CNTN5: variants seen among roughly 807,000 people sequenced by gnomAD.
The protein encoded by CNTN5 is contactin-5.
A neutral mutation model predicts 129.1 loss-of-function variants in CNTN5; 77 were observed. That is an observed-to-expected ratio of 0.60 (90% confidence interval 0.50 to 0.72). CNTN5 has a LOEUF of 0.72. Among genes scored for constraint, CNTN5 ranks in the 30% least tolerant of loss-of-function variants. CNTN5 has a pLI of 0.00. For synonymous variants in CNTN5, 509 were observed against 465.6 expected, an observed-to-expected ratio of 1.09 and a Z score of -1.20; for missense variants, 1,478 against 1,328.8, an observed-to-expected ratio of 1.11 and a Z score of -1.75.
chr11:100,111,936 T>A (rs1945670643), intron 13 of CNTN5, among the ~76,000 whole-genome samples: 1 of 152,220 alleles, frequency 6.6e-6, no homozygotes, highest in Admixed American at 6.5e-5. Flanking sequence ...AACATATCTC[T>A]TTTTCTTATT....
chr11:99,711,527 A>G (rs1280111839), intron 3 of CNTN5, among the ~76,000 whole-genome samples: 1 of 151,946 alleles, frequency 6.6e-6, no homozygotes, highest in African/African-American at 2.4e-5. Flanking sequence ...ACATATGCAT[A>G]ATGTGCAGGT....
chr11:100,002,451 T>C, intron 9 of CNTN5, among the ~76,000 whole-genome samples: 1 of 152,144 alleles, frequency 6.6e-6, no homozygotes, highest in Non-Finnish European at 1.5e-5. Flanking sequence ...TCAGTCCTTA[T>C]GTAAATAAAG....
chr11:100,066,114 GA>G (rs1203213112), intron 10 of CNTN5, among the ~76,000 whole-genome samples: 8 of 152,118 alleles, frequency 5.3e-5, no homozygotes, highest in African/African-American at 1.7e-4. Flanking sequence ...GGATTGGGGG[GA>G]AAGTAACCAA....
chr11:99,579,660 T>C lies in CNTN5; in HGVS notation c.55+23391T>C, dbSNP rs541949727. Among the ~76,000 whole-genome samples, 260 of 138,376 alleles carry C rather than the reference T, an allele frequency of 1.9e-3. 3 individuals carry two copies. The highest frequency in any genetic ancestry group is 6.8e-3 in the African/African-American group (245 of 36,088). The allele number at this position is 138,376 out of a possible 152,430, so 90.8% of individuals were successfully genotyped here. ...TGTTATTGGTGTATAAGAATGCTTG[T>C]GATTTTTGCACATTGATTTTGTATC... is the stretch of plus-strand genomic sequence containing the variant. On this transcript the variant is annotated intron_variant, in intron 3 of 24. Coordinates refer to ENST00000524871, the MANE Select transcript of CNTN5 (RefSeq NM_014361.4).
At chr11:99,375,917 C>G (rs924292922) in intron 2 of CNTN5, among the ~76,000 whole-genome samples, 3 of 152,000 alleles carry the variant, frequency 2.0e-5, no homozygotes, top group Non-Finnish European at 4.4e-5. Context: ...AAAATTATAA[C>G]CATATTTAAT....
intron 3 of CNTN5, among the ~76,000 whole-genome samples, chr11:99,779,705 T>C (rs1026955382): frequency 6.6e-6 from 1 of 152,016 alleles, no homozygotes; most frequent in Non-Finnish European, 1.5e-5. Flanking sequence ...ATAAGTAACT[T>C]AAAAAAGTAT....
chr11:99,431,150 GCAA>G (rs775741036), intron 2 of CNTN5, among the ~76,000 whole-genome samples: 67 of 152,196 alleles, frequency 4.4e-4, no homozygotes, highest in East Asian at 7.7e-4. Context: ...GACTGAAACA[GCAA>G]CAACAACAAT....
intron 2 of CNTN5, among the ~76,000 whole-genome samples, chr11:99,474,329 G>T (rs997112490): frequency 4.6e-5 from 7 of 151,984 alleles, no homozygotes; most frequent in South Asian, 2.1e-4. Context: ...CATCCTCTGC[G>T]TCTTCTTCCC....
intron 2 of CNTN5, among the ~76,000 whole-genome samples, chr11:99,336,906 A>G (rs1866251693): frequency 6.6e-6 from 1 of 152,184 alleles, no homozygotes; most frequent in African/African-American, 2.4e-5. Flanking sequence ...CTATGACAGC[A>G]TGACAATTCA....
intron 13 of CNTN5, among the ~76,000 whole-genome samples, chr11:100,118,000 A>T (rs1945894398): frequency 6.6e-6 from 1 of 151,760 alleles, no homozygotes; most frequent in Non-Finnish European, 1.5e-5. Flanking sequence ...CGAACTGGGA[A>T]AATTTCTCTA....
chr11:100,033,239 C>A (rs1459129236), intron 9 of CNTN5, among the ~76,000 whole-genome samples: 1 of 152,172 alleles, frequency 6.6e-6, no homozygotes, highest in Non-Finnish European at 1.5e-5. Flanking sequence ...AACTAATCAG[C>A]TTTTCTGGCA....
chr11:100,350,648 A>G (rs1952387522), intron 23 of CNTN5, 54 bp from the exon 24 acceptor site: 3 of 1,344,882 alleles, frequency 2.2e-6, no homozygotes, highest in East Asian at 2.3e-5. Flanking sequence ...TAGGCAGTCA[A>G]TGTGCATTTG....
chr11:100,332,867 C>T (rs1014044195), intron 21 of CNTN5, among the ~76,000 whole-genome samples: 3 of 152,130 alleles, frequency 2.0e-5, no homozygotes, highest in African/African-American at 7.2e-5. Context: ...GAAACCATTT[C>T]CCCTGAGAAC....
intron 8 of CNTN5, among the ~76,000 whole-genome samples, chr11:99,988,842 T>A (rs1938863003): frequency 1.3e-5 from 1 of 75,104 alleles, no homozygotes; most frequent in African/African-American, 4.8e-5. Context: ...AGATGGGGTG[T>A]GTGTGTGTTT....
At chr11:99,883,377 C>T (rs1347421146) in intron 6 of CNTN5, among the ~76,000 whole-genome samples, 2 of 152,224 alleles carry the variant, frequency 1.3e-5, no homozygotes, top group East Asian at 1.9e-4. Flanking sequence ...TGCCGGCATT[C>T]GTTATCTCCT....
chr11:99,956,143 C>T (rs577842329), intron 7 of CNTN5, among the ~76,000 whole-genome samples: 25 of 151,054 alleles, frequency 1.7e-4, no homozygotes, highest in African/African-American at 6.1e-4. Flanking sequence ...TTCTTAGGTA[C>T]GTTGTCTTGG....
intron 21 of CNTN5, among the ~76,000 whole-genome samples, chr11:100,319,612 A>T (rs1951644701): frequency 6.6e-6 from 1 of 152,224 alleles, no homozygotes; most frequent in Admixed American, 6.5e-5. Flanking sequence ...CAGCATTTTT[A>T]GAGAATGCAA....
chr11:99,296,282 G>A (rs1282156043), intron 1 of CNTN5, among the ~76,000 whole-genome samples: 1 of 152,098 alleles, frequency 6.6e-6, no homozygotes, highest in Non-Finnish European at 1.5e-5. Flanking sequence ...ACCCTTCTCA[G>A]CTGTGAGATT....
At chr11:100,257,359 C>T (rs1950094337) in intron 17 of CNTN5, among the ~76,000 whole-genome samples, 1 of 152,188 alleles carries the variant, frequency 6.6e-6, no homozygotes, top group Non-Finnish European at 1.5e-5. Context: ...GTGGGCACAG[C>T]TTCATCAGAC....
Sources: allele counts gnomAD v4.1 joint callset (sites outside exome capture counted in the v4.1 genomes callset), GRCh38; gene constraint gnomAD v4.1.1; transcripts MANE v1.5; gene names NCBI Gene and HGNC (gene_info 2026-07-23, HGNC 2026-07-21).